PTPRG: variants seen among roughly 807,000 people sequenced by gnomAD.
PTPRG encodes protein tyrosine phosphatase receptor type G.
Under a neutral mutation model 165.3 loss-of-function variants are expected in PTPRG, and 102 were observed. That is an observed-to-expected ratio of 0.62 (90% confidence interval 0.53 to 0.73). The LOEUF (loss-of-function observed/expected upper bound fraction) is 0.73. Ranked by LOEUF, PTPRG falls within the 30% of genes least tolerant of loss-of-function variation. The pLI is 0.00. For missense variants in PTPRG, 1,866 were observed against 1,861.4 expected (o/e 1.00, Z -0.05); for synonymous variants, 675 against 669.5 (o/e 1.01, Z -0.13).
At chr3:62,098,325 A>G (rs1702183366) in intron 5 of PTPRG, among the ~76,000 whole-genome samples, 1 of 152,204 alleles carries the variant, frequency 6.6e-6, no homozygotes, top group Admixed American at 6.5e-5. Flanking sequence ...TATCACTTAC[A>G]TTGTATTAGG....
intron 1 of PTPRG, among the ~76,000 whole-genome samples, chr3:61,605,528 T>C (rs1700978343): frequency 6.6e-6 from 1 of 152,010 alleles, no homozygotes; most frequent in Non-Finnish European, 1.5e-5. Flanking sequence ...AGTGCTAGGA[T>C]TACAGGTGTG....
chr3:61,835,097 A>G (rs1374927465), intron 2 of PTPRG, among the ~76,000 whole-genome samples: 1 of 152,220 alleles, frequency 6.6e-6, no homozygotes, highest in Non-Finnish European at 1.5e-5. Flanking sequence ...TGTCAGGTTC[A>G]TGGAAGGATT....
intron 25 of PTPRG, 121 bp from the exon 26 acceptor site, chr3:62,277,429 CT>C: frequency 8.8e-7 from 1 of 1,142,804 alleles, no homozygotes; most frequent in Non-Finnish European, 1.2e-6. Context: ...TACCGAATGC[CT>C]TTCTCAATTA....
At chr3:62,036,590 A>G (rs1040459326) in intron 4 of PTPRG, among the ~76,000 whole-genome samples, 8 of 152,176 alleles carry the variant, frequency 5.3e-5, no homozygotes, top group African/African-American at 1.9e-4. Context: ...TTTGCCTCAC[A>G]TTTATTGGTG....
intron 2 of PTPRG, among the ~76,000 whole-genome samples, chr3:61,982,290 T>G (rs1172691043): frequency 6.6e-6 from 1 of 152,192 alleles, no homozygotes; most frequent in African/African-American, 2.4e-5. Context: ...GAAGCCAGTT[T>G]CCTGTTGTAT....
chr3:61,696,189 C>T (rs962609684), intron 1 of PTPRG, among the ~76,000 whole-genome samples: 16 of 152,018 alleles, frequency 1.1e-4, no homozygotes, highest in African/African-American at 2.4e-4. Flanking sequence ...CAAATTGATA[C>T]GAGTACATAT....
chr3:61,647,849 T>A (rs1702247601), intron 1 of PTPRG, among the ~76,000 whole-genome samples: 1 of 149,324 alleles, frequency 6.7e-6, no homozygotes, highest in Non-Finnish European at 1.5e-5. Context: ...GAGCTGGTGC[T>A]GCTTTTCTGA....
rs1702341517 is a variant in PTPRG, at chr3:62,102,941, C to T, written c.615+24683C>T. Among the ~76,000 whole-genome samples, 3 of 152,106 alleles carry T rather than the reference C, an allele frequency of 2.0e-5. No individual in the cohort carries two copies. In the South Asian group the frequency reaches 6.2e-4, roughly 32 times the overall value. On this transcript the variant is annotated intron_variant, in intron 5 of 29. Transcript: ENST00000474889. Reference sequence around the variant, plus strand: ...TGAAAAGGCATTTTTTAGCTTGTTCCTCTAGATTATTTAGTGCATTTTCCC... The same window carrying T: ...TGAAAAGGCATTTTTTAGCTTGTTCTTCTAGATTATTTAGTGCATTTTCCC...
intron 5 of PTPRG, among the ~76,000 whole-genome samples, chr3:62,126,642 A>G (rs549515534): frequency 6.6e-6 from 1 of 152,282 alleles, no homozygotes; most frequent in East Asian, 1.9e-4. Flanking sequence ...CCTCGGTGAC[A>G]TTTTGCTTAT....
chr3:61,691,167 C>G (rs1022442758), intron 1 of PTPRG, among the ~76,000 whole-genome samples: 13 of 152,104 alleles, frequency 8.5e-5, no homozygotes, highest in Admixed American at 5.2e-4. Context: ...AGTCCCAGCA[C>G]TTTGAGAGGC....
intron 2 of PTPRG, among the ~76,000 whole-genome samples, chr3:61,944,426 C>T (rs1028222671): frequency 1.3e-5 from 2 of 152,216 alleles, no homozygotes; most frequent in Admixed American, 1.3e-4. Context: ...CTTCCATCGT[C>T]TTCCTCATTT....
At chr3:61,866,088 A>G (rs1185993781) in intron 2 of PTPRG, among the ~76,000 whole-genome samples, 1 of 152,182 alleles carries the variant, frequency 6.6e-6, no homozygotes, top group Non-Finnish European at 1.5e-5. Flanking sequence ...TAATTGAACC[A>G]GGGAACTCCT....
intron 1 of PTPRG, among the ~76,000 whole-genome samples, chr3:61,616,233 C>G (rs1266787387): frequency 6.6e-6 from 1 of 152,036 alleles, no homozygotes; most frequent in Non-Finnish European, 1.5e-5. Flanking sequence ...ATTACAGGCG[C>G]GAGCCACCAT....
chr3:62,194,722 G>A (rs1699918214), intron 9 of PTPRG, among the ~76,000 whole-genome samples: 1 of 152,026 alleles, frequency 6.6e-6, no homozygotes, highest in Admixed American at 6.5e-5. Flanking sequence ...AGAATCACTT[G>A]AACCTGGGAG....
At chr3:61,765,726 A>G (rs1337303492) in intron 2 of PTPRG, among the ~76,000 whole-genome samples, 1 of 152,246 alleles carries the variant, frequency 6.6e-6, no homozygotes, top group Non-Finnish European at 1.5e-5. Context: ...TAAGGGTTAC[A>G]TAAATGTAGT....
At chr3:62,162,952 TAATTGG>T (rs1444960124) in intron 7 of PTPRG, among the ~76,000 whole-genome samples, 4 of 152,210 alleles carry the variant, frequency 2.6e-5, no homozygotes, top group African/African-American at 7.2e-5. Flanking sequence ...AAAAGAGGTT[TAATTGG>T]CTCTGCAGGA....
intron 2 of PTPRG, among the ~76,000 whole-genome samples, chr3:61,912,470 G>A (rs1418525178): frequency 6.6e-6 from 1 of 152,118 alleles, no homozygotes; most frequent in African/African-American, 2.4e-5. Flanking sequence ...AAACTGCAAA[G>A]CTTCACTTAT....
rs80326637 is a variant in PTPRG, at chr3:61,968,371, C to T, written c.191-21254C>T. On this transcript the variant is annotated intron_variant, in intron 2 of 29. Transcript: ENST00000474889. ...TGCATTGTTGGACAGGCAGTTTGTTCATCCCTTTTTGACGCTAAGAATATG... is the reference window on the plus strand; with the variant it reads ...TGCATTGTTGGACAGGCAGTTTGTTTATCCCTTTTTGACGCTAAGAATATG... Among the ~76,000 whole-genome samples, 1,153 of 152,180 alleles carry T rather than the reference C, an allele frequency of 7.6e-3. 19 individuals carry two copies. Among genetic ancestry groups the T allele is most frequent in the African/African-American group, 0.026 (1,099 of 41,508 alleles).
intron 1 of PTPRG, among the ~76,000 whole-genome samples, chr3:61,691,535 C>G (rs2030215060): frequency 6.6e-6 from 1 of 152,138 alleles, no homozygotes; most frequent in African/African-American, 2.4e-5. Flanking sequence ...TGTGTAATTG[C>G]TTAGAAAAAT....
Sources: allele counts gnomAD v4.1 joint callset (sites outside exome capture counted in the v4.1 genomes callset), GRCh38; gene constraint gnomAD v4.1.1; transcripts MANE v1.5; gene names NCBI Gene and HGNC (gene_info 2026-07-23, HGNC 2026-07-21).